Variants in DOCK10 observed in about 807,000 individuals in gnomAD.
DOCK10 encodes the protein dedicator of cytokinesis 10, also known as dedicator of cytokinesis protein 10.
DOCK10 carries 145 observed loss-of-function variants against 280.1 expected under a neutral mutation model. That is an observed-to-expected ratio of 0.52 (90% CI 0.45 to 0.59). The LOEUF (loss-of-function observed/expected upper bound fraction) is 0.59, where lower values mean the gene tolerates loss of function less well. Ranked by LOEUF, DOCK10 falls within the 20% of genes least tolerant of loss-of-function variation. The pLI is 0.00. For missense variants in DOCK10, 2,368 were observed against 2,651.7 expected, an observed-to-expected ratio of 0.89 and a Z score of 2.35; for synonymous variants, 915 against 942.2, an observed-to-expected ratio of 0.97 and a Z score of 0.53.
chr2:224,771,943 T>C (rs138082870), intron 53 of DOCK10, among the ~76,000 whole-genome samples: 2,373 of 151,116 alleles, frequency 0.016, 63 homozygotes, highest in African/African-American at 0.055. Context: ...TTTTTTGAGA[T>C]GGAGTCTTGC....
intron 1 of DOCK10, among the ~76,000 whole-genome samples, chr2:224,991,591 A>G (rs1706128186): frequency 6.6e-6 from 1 of 152,082 alleles, no homozygotes; most frequent in South Asian, 2.1e-4. Context: ...CAGAAGAGAG[A>G]GCCTTGGCAC....
intron 27 of DOCK10, among the ~76,000 whole-genome samples, chr2:224,827,862 T>C (rs550624590): frequency 1.3e-5 from 2 of 152,308 alleles, no homozygotes; most frequent in Admixed American, 1.3e-4. Flanking sequence ...TCTGTCATAC[T>C]AAGATCAAGG....
chr2:224,990,965 C>G (rs1428695682), intron 1 of DOCK10, among the ~76,000 whole-genome samples: 1 of 152,190 alleles, frequency 6.6e-6, no homozygotes, highest in East Asian at 1.9e-4. Flanking sequence ...TCTTTATATC[C>G]TCATGGTTAA....
intron 1 of DOCK10, among the ~76,000 whole-genome samples, chr2:224,992,000 A>T (rs1706139622): frequency 6.6e-6 from 1 of 152,282 alleles, no homozygotes; most frequent in East Asian, 1.9e-4. Flanking sequence ...TGCATCAAGA[A>T]AAACCAAATT....
chr2:224,980,257 T>C (rs1301109050), intron 1 of DOCK10, among the ~76,000 whole-genome samples: 1 of 152,182 alleles, frequency 6.6e-6, no homozygotes, highest in Non-Finnish European at 1.5e-5. Flanking sequence ...ACAGAGTCTT[T>C]GGGGTCAAGA....
intron 1 of DOCK10, among the ~76,000 whole-genome samples, chr2:224,985,524 G>A (rs1402491922): frequency 6.6e-6 from 1 of 151,874 alleles, no homozygotes; most frequent in Admixed American, 6.6e-5. Context: ...ATAGGAAATG[G>A]AAGGAAGGAT....
At chr2:225,007,155 G>C (rs886812840) in intron 1 of DOCK10, among the ~76,000 whole-genome samples, 2 of 152,164 alleles carry the variant, frequency 1.3e-5, no homozygotes, top group African/African-American at 4.8e-5. Flanking sequence ...AGGTACTAGT[G>C]CAGATCACTA....
intron 1 of DOCK10, among the ~76,000 whole-genome samples, chr2:224,995,830 T>C (rs55800945): frequency 0.13 from 19,330 of 152,266 alleles, 1,856 homozygotes; most frequent in Non-Finnish European, 0.17. Flanking sequence ...TAATGTGTAT[T>C]GCTCACACTC....
rs1264676176 is a variant in DOCK10, at chr2:224,886,449, A to G, written c.489+10T>C. 6.2e-7 allele frequency: 1 copy of G among 1,604,328 alleles called. No homozygotes were observed. Among genetic ancestry groups the G allele is most frequent in the Non-Finnish European group, 8.5e-7 (1 of 1,173,414 alleles). On this transcript the variant is annotated intron_variant, in intron 5 of 55. Transcript: ENST00000258390. ...TGTTTTAAACATCTCACTTTCAACT[A>G]TTTACTTACTTCATCCTTATCAGCA... is the stretch of plus-strand genomic sequence containing the variant.
chr2:224,871,267 C>T lies in DOCK10; in HGVS notation c.1257+2729G>A, dbSNP rs138913046. Among the ~76,000 whole-genome samples, 982 of 151,962 alleles carry T rather than the reference C, an allele frequency of 6.5e-3. 10 individuals carry two copies. The highest frequency in any genetic ancestry group is 0.021 in the African/African-American group (880 of 41,538). The stretch of plus-strand genomic sequence containing the variant: ...CCCGTGTTACCATTTTAGTAAATGG[C>T]ATCACAATGTGTAAAACCGTCCAAA... On this transcript the variant is annotated intron_variant, in intron 11 of 55. Transcript: ENST00000258390.
intron 1 of DOCK10, among the ~76,000 whole-genome samples, chr2:225,029,012 T>A (rs1006424583): frequency 1.3e-5 from 2 of 152,152 alleles, no homozygotes; most frequent in Non-Finnish European, 2.9e-5. Context: ...ATATTCTAGA[T>A]TTCCATCTTA....
chr2:225,014,082 T>TATATATATATATATA (rs143161746), intron 1 of DOCK10, among the ~76,000 whole-genome samples: 41 of 45,700 alleles, frequency 9.0e-4, no homozygotes, highest in African/African-American at 3.6e-3. Context: ...TCTGAATATA[T>TATATATATATATATA]TGTTTTTTTT....
intron 7 of DOCK10, among the ~76,000 whole-genome samples, chr2:224,884,887 G>T (rs2125748635): frequency 6.6e-6 from 1 of 152,290 alleles, no homozygotes; most frequent in Admixed American, 6.5e-5. Context: ...TATCTCAGGG[G>T]TTCTCTACAT....
Position 224,787,150 on chromosome 2 carries a change from GAA to G in DOCK10, c.5542-17_5542-16del. On this transcript the variant is annotated splice_polypyrimidine_tract_variant and intron_variant, in intron 49 of 55. Coordinates refer to ENST00000258390, the MANE Select transcript of DOCK10 (RefSeq NM_014689.3). ...TCTGACAATTTCTGAAACCATAAGT[GAA>G]AGAGTTTCATGAAGATGATGCTGTC... The G allele has an allele frequency of 1.9e-6, 3 of 1,609,450 alleles. No individual in the cohort carries two copies. The highest frequency in any genetic ancestry group is 2.6e-6 in the Non-Finnish European group (3 of 1,175,756).
At chr2:224,914,645 C>A (rs1293250447) in intron 3 of DOCK10, among the ~76,000 whole-genome samples, 1 of 151,984 alleles carries the variant, frequency 6.6e-6, no homozygotes, top group Non-Finnish European at 1.5e-5. Context: ...AATAAAGAAA[C>A]GCCAGAAACG....
At chr2:224,934,130 C>T (rs1409046082) in intron 1 of DOCK10, among the ~76,000 whole-genome samples, 1 of 152,124 alleles carries the variant, frequency 6.6e-6, no homozygotes, top group African/African-American at 2.4e-5. Flanking sequence ...GTGGTTAGTA[C>T]TCTGTGCTGT....
chr2:225,007,760 G>A (rs1689316689), intron 1 of DOCK10, among the ~76,000 whole-genome samples: 1 of 152,130 alleles, frequency 6.6e-6, no homozygotes, highest in South Asian at 2.1e-4. Flanking sequence ...TGCAAGGAGA[G>A]CAATGAAGAC....
chr2:224,824,226 T>C (rs1694694556), intron 27 of DOCK10, among the ~76,000 whole-genome samples: 1 of 152,138 alleles, frequency 6.6e-6, no homozygotes, highest in African/African-American at 2.4e-5. Flanking sequence ...GGTCCCAGTA[T>C]ATGCCACAGT....
At chr2:224,983,281 A>C (rs1286224025) in intron 1 of DOCK10, 1 of 154,646 alleles carries the variant, frequency 6.5e-6, no homozygotes, top group Non-Finnish European at 1.4e-5. Flanking sequence ...CACTTAGGAA[A>C]GAACCAAAGA....
Sources: gnomAD v4.1 joint callset for allele counts (sites outside exome capture counted in the v4.1 genomes callset) on GRCh38, gnomAD v4.1.1 for gene constraint, MANE v1.5 for transcripts, NCBI Gene and HGNC (gene_info 2026-07-23, HGNC 2026-07-21) for gene names.